NOL4: variants seen among roughly 807,000 people sequenced by gnomAD.
NOL4 encodes nucleolar protein 4.
NOL4 carries 17 observed loss-of-function variants against 75.9 expected under a neutral mutation model. The observed-to-expected ratio is 0.22, with a 90% CI of 0.15 to 0.34. The LOEUF (loss-of-function observed/expected upper bound fraction) is 0.34, where lower values mean the gene tolerates loss of function less well. Among genes scored for constraint, NOL4 ranks in the 10% least tolerant of loss-of-function variants. NOL4 has a pLI of 1.00. For synonymous variants in NOL4, 292 were observed against 289.9 expected, an observed-to-expected ratio of 1.01 and a Z score of -0.07; for missense variants, 614 against 793.5, an observed-to-expected ratio of 0.77 and a Z score of 2.72.
At chr18:33,873,059 T>C (rs573446252) in intron 10 of NOL4, among the ~76,000 whole-genome samples, 60 of 152,098 alleles carry the variant, frequency 3.9e-4, no homozygotes, top group South Asian at 2.9e-3. Context: ...AACTGCATAA[T>C]TCCAGTTACG....
At chr18:33,911,025 T>C (rs1314225882) in intron 9 of NOL4, among the ~76,000 whole-genome samples, 1 of 152,094 alleles carries the variant, frequency 6.6e-6, no homozygotes, top group Non-Finnish European at 1.5e-5. Context: ...ATAATTTGGG[T>C]GAGCAGGAAT....
At chr18:33,902,594 C>A (rs954696851) in intron 9 of NOL4, among the ~76,000 whole-genome samples, 2 of 152,120 alleles carry the variant, frequency 1.3e-5, no homozygotes, top group African/African-American at 4.8e-5. Flanking sequence ...AAGAGTCATG[C>A]ATTTCCATGA....
chr18:33,945,678 G>T (rs1399208859), intron 8 of NOL4, among the ~76,000 whole-genome samples: 8 of 151,610 alleles, frequency 5.3e-5, no homozygotes, highest in Non-Finnish European at 1.2e-4. Context: ...TTAACTTCAA[G>T]ATAAAGCAAC....
intron 9 of NOL4, among the ~76,000 whole-genome samples, chr18:33,924,459 T>TA (rs2067214335): frequency 6.6e-6 from 1 of 152,178 alleles, no homozygotes; most frequent in Non-Finnish European, 1.5e-5. Flanking sequence ...GGCCATCTAT[T>TA]ACCATTCTCA....
intron 5 of NOL4, among the ~76,000 whole-genome samples, chr18:34,083,464 G>A (rs187789368): frequency 6.6e-6 from 1 of 152,236 alleles, no homozygotes; most frequent in African/African-American, 2.4e-5. Flanking sequence ...GTTTAAGAAA[G>A]CACTAAACCA....
intron 9 of NOL4, 33 bp downstream of exon 9, chr18:33,943,032 T>C (rs1256408045): frequency 7.4e-7 from 1 of 1,350,090 alleles, no homozygotes; most frequent in East Asian, 2.3e-5. Flanking sequence ...TTGCTATAGC[T>C]GGTGTTCACC....
intron 10 of NOL4, among the ~76,000 whole-genome samples, chr18:33,855,309 G>T (rs543999885): frequency 1.3e-4 from 20 of 152,098 alleles, no homozygotes; most frequent in African/African-American, 4.1e-4. Flanking sequence ...TACTTGACTG[G>T]TTTGGCTTCA....
intron 1 of NOL4, among the ~76,000 whole-genome samples, chr18:34,184,196 CA>C (rs1342080752): frequency 6.6e-6 from 1 of 151,704 alleles, no homozygotes; most frequent in African/African-American, 2.4e-5. Flanking sequence ...ATTGAAACTG[CA>C]AACAGGCTCA....
chr18:34,046,607 CATATATATATATATATATAT>C (rs35281852), intron 5 of NOL4, among the ~76,000 whole-genome samples: 3 of 81,658 alleles, frequency 3.7e-5, no homozygotes, highest in Non-Finnish European at 7.2e-5. Flanking sequence ...TTTACTTATA[CATATATATATATATATATAT>C]ATATATATAT....
chr18:34,007,166 G>A (rs1229478090), intron 6 of NOL4, among the ~76,000 whole-genome samples: 5 of 151,974 alleles, frequency 3.3e-5, no homozygotes, highest in South Asian at 2.1e-4. Flanking sequence ...AATAGGATAA[G>A]AAGGGAGTTG....
chr18:34,040,748 C>T (rs1027842307), intron 5 of NOL4, among the ~76,000 whole-genome samples: 9 of 151,734 alleles, frequency 5.9e-5, no homozygotes, highest in African/African-American at 1.9e-4. Flanking sequence ...TTAGGTATCA[C>T]GGAGGATAAA....
intron 6 of NOL4, among the ~76,000 whole-genome samples, chr18:34,004,994 G>A (rs2146268321): frequency 6.6e-6 from 1 of 151,904 alleles, no homozygotes; most frequent in South Asian, 2.1e-4. Flanking sequence ...TTTCCTATTT[G>A]GTGCTCAAAC....
intron 9 of NOL4, among the ~76,000 whole-genome samples, chr18:33,926,791 G>T (rs1313716153): frequency 1.3e-5 from 2 of 152,038 alleles, no homozygotes; most frequent in Non-Finnish European, 2.9e-5. Flanking sequence ...GTAGAGACGG[G>T]GTTTCACCAT....
Position 34,142,537 on chromosome 18 carries a change from T to C in NOL4, c.265-12517A>G, listed in dbSNP as rs536196891. On this transcript the variant is annotated intron_variant, in intron 1 of 10. Transcript: ENST00000261592. ...TGAGTTCATGTCCTTTGTAGGGACA[T>C]GGATGAAGCTGGAAACCATCATTCT... Among the ~76,000 whole-genome samples the C allele has an allele frequency of 3.3e-5, 5 of 152,254 alleles. No individual in the cohort carries two copies. The South Asian group carries it at 8.3e-4, about 25-fold the overall frequency.
At chr18:34,095,117 CA>C (rs1295832977) in intron 4 of NOL4, among the ~76,000 whole-genome samples, 5 of 152,196 alleles carry the variant, frequency 3.3e-5, no homozygotes, top group African/African-American at 1.2e-4. Context: ...CACTGAGTAG[CA>C]CTAGCTCTTC....
At chr18:33,968,314 A>C (rs1399766777) in intron 6 of NOL4, among the ~76,000 whole-genome samples, 1 of 152,168 alleles carries the variant, frequency 6.6e-6, no homozygotes, top group African/African-American at 2.4e-5. Flanking sequence ...TCATTTTACC[A>C]AAAAGACACA....
intron 1 of NOL4, among the ~76,000 whole-genome samples, chr18:34,169,466 G>GAAA (rs35084288): frequency 7.8e-6 from 1 of 128,848 alleles, no homozygotes; most frequent in Non-Finnish European, 1.7e-5. Flanking sequence ...GGGCAAACAG[G>GAAA]AAAAAAAAAA....
At chr18:33,895,745 T>A (rs778294801) in intron 9 of NOL4, among the ~76,000 whole-genome samples, 30 of 152,170 alleles carry the variant, frequency 2.0e-4, no homozygotes, top group Non-Finnish European at 1.2e-4. Flanking sequence ...AAAACCAGTA[T>A]AAGACAAGAA....
Position 33,890,014 on chromosome 18 carries a change from A to T in NOL4, c.1543-6590T>A, listed in dbSNP as rs192663058. ...CCCTCTCTCACCACTCCTATTCAAC[A>T]TAGTTTTGGAAGTTCTGGCTAGGGC... On this transcript the variant is annotated intron_variant, in intron 9 of 10. Transcript: ENST00000261592. 7.9e-5 allele frequency among the ~76,000 whole-genome samples: 12 copies of T among 152,260 alleles called. No individual in the cohort carries two copies. In the South Asian group the frequency reaches 1.2e-3, roughly 16 times the overall value.
Sources: allele counts gnomAD v4.1 joint callset (sites outside exome capture counted in the v4.1 genomes callset), GRCh38; gene constraint gnomAD v4.1.1; transcripts MANE v1.5; gene names NCBI Gene and HGNC (gene_info 2026-07-23, HGNC 2026-07-21).